Variants in SPECC1L observed in about 807,000 individuals in gnomAD.
SPECC1L encodes the protein sperm antigen with calponin homology and coiled-coil domains 1 like.
Under a neutral mutation model 116.8 loss-of-function variants are expected in SPECC1L, and 40 were observed. The ratio of observed to expected loss-of-function variants is 0.34; its 90% CI spans 0.27 to 0.45. SPECC1L has a LOEUF of 0.45. Among genes scored for constraint, SPECC1L ranks in the 20% least tolerant of loss-of-function variants. The pLI, the probability that SPECC1L is intolerant of heterozygous loss-of-function variation, is 1.00. For synonymous variants in SPECC1L, 504 were observed against 500.6 expected (o/e 1.01, Z -0.09); for missense variants, 1,110 against 1,373.6 (o/e 0.81, Z 3.03).
intron 10 of SPECC1L, among the ~76,000 whole-genome samples, chr22:24,345,472 C>T (rs1438547472): frequency 1.3e-5 from 2 of 152,136 alleles, no homozygotes; most frequent in African/African-American, 4.8e-5. Context: ...AAACTTAAAA[C>T]TTCTCTGAAA....
At position 24,321,281 on chromosome 22, in the gene SPECC1L, C is replaced by A. The variant is rs867603969; in HGVS notation, c.308-7C>A. ...TTTGCCTTACATTTTTTGTATTAAA[C>A]ACATAGGCACAGCTTCTTCAACCAA... On this transcript the variant is annotated splice_polypyrimidine_tract_variant and splice_region_variant and intron_variant, in intron 4 of 16. Coordinates refer to ENST00000314328, the MANE Select transcript of SPECC1L (RefSeq NM_015330.6). The A allele has an allele frequency of 9.9e-6, 16 of 1,613,212 alleles. No homozygotes were observed. In the Middle Eastern group the frequency reaches 2.0e-3, roughly 199 times the overall value.
chr22:24,335,839 T>C (rs533802896), intron 9 of SPECC1L, among the ~76,000 whole-genome samples: 30 of 152,270 alleles, frequency 2.0e-4, no homozygotes, highest in African/African-American at 7.2e-4. Context: ...GTATTATACA[T>C]AGTACCATCT....
At chr22:24,377,113 C>T (rs1000085803) in intron 14 of SPECC1L, among the ~76,000 whole-genome samples, 1 of 152,174 alleles carries the variant, frequency 6.6e-6, no homozygotes, top group Non-Finnish European at 1.5e-5. Context: ...ATGTGGTCCT[C>T]TGTGACTGGC....
At chr22:24,287,859 G>A (rs2049071880) in intron 2 of SPECC1L, among the ~76,000 whole-genome samples, 1 of 152,148 alleles carries the variant, frequency 6.6e-6, no homozygotes, top group South Asian at 2.1e-4. Flanking sequence ...TGAGGTTTGA[G>A]AGGGACTGGA....
chr22:24,337,721 T>A (rs1238743561), intron 9 of SPECC1L, among the ~76,000 whole-genome samples: 1 of 152,228 alleles, frequency 6.6e-6, no homozygotes, highest in Non-Finnish European at 1.5e-5. Flanking sequence ...TTGTATCCCA[T>A]TTTTAATTTA....
intron 6 of SPECC1L, among the ~76,000 whole-genome samples, chr22:24,327,296 A>AAAAAAAAAAAAAC (rs1556236760): frequency 8.5e-4 from 127 of 150,044 alleles, no homozygotes; most frequent in Non-Finnish European, 1.6e-3. Flanking sequence ...AAAAAAAAAA[A>AAAAAAAAAAAAAC]AAAAAACATC....
At chr22:24,350,846 G>GC (rs938160576) in intron 11 of SPECC1L, among the ~76,000 whole-genome samples, 2 of 152,214 alleles carry the variant, frequency 1.3e-5, no homozygotes, top group African/African-American at 4.8e-5. Context: ...ATAACCCTGT[G>GC]CCAGTACCCT....
At chr22:24,329,313 T>C (rs1329079604) in intron 7 of SPECC1L, among the ~76,000 whole-genome samples, 1 of 152,244 alleles carries the variant, frequency 6.6e-6, no homozygotes, top group African/African-American at 2.4e-5. Flanking sequence ...TGAAATGCTT[T>C]TGGATAAGTG....
chr22:24,278,128 G>A (rs960512152), intron 2 of SPECC1L, among the ~76,000 whole-genome samples: 1 of 152,108 alleles, frequency 6.6e-6, no homozygotes, highest in Non-Finnish European at 1.5e-5. Context: ...GCTGAGGTGG[G>A]AGGATCACTT....
intron 2 of SPECC1L, among the ~76,000 whole-genome samples, chr22:24,284,284 T>C (rs1488443079): frequency 6.6e-6 from 1 of 152,182 alleles, no homozygotes; most frequent in African/African-American, 2.4e-5. Flanking sequence ...TGTTATGTTT[T>C]CATTTTAAGT....
intron 14 of SPECC1L, among the ~76,000 whole-genome samples, chr22:24,384,194 G>A (rs2042118135): frequency 6.6e-6 from 1 of 151,996 alleles, no homozygotes; most frequent in Non-Finnish European, 1.5e-5. Flanking sequence ...GGCTAGGAGT[G>A]TCATAAGTGC....
intron 6 of SPECC1L, among the ~76,000 whole-genome samples, chr22:24,327,272 C>T (rs1194261160): frequency 3.3e-4 from 36 of 110,000 alleles, no homozygotes; most frequent in African/African-American, 9.7e-4. Context: ...ATTGAGACTC[C>T]GTCTCAAAAA....
rs1450572819 is a variant in SPECC1L, at chr22:24,322,569, C to T, written c.1589C>T (p.Ala530Val). ...LKMAEQDNKE[A>V]QEMIGALKER... ...ATGGCAGAACAAGACAATAAGGAAG[C>T]TCAAGAAATGATAGGGGCACTCAAA... Residue 530 changes from alanine (A) to valine (V), a missense_variant, in exon 5 of 17, where the codon GCT becomes GTT. By Grantham distance (64) the Ala-to-Val change is moderately conservative (BLOSUM62 0). Coordinates refer to ENST00000314328, the MANE Select transcript of SPECC1L (RefSeq NM_015330.6). The T allele has an allele frequency of 6.2e-7, 1 of 1,614,126 alleles. No individual in the cohort carries two copies. The highest frequency in any genetic ancestry group is 8.5e-7 in the Non-Finnish European group (1 of 1,180,026).
At chr22:24,305,318 C>T (rs1411359745) in intron 3 of SPECC1L, among the ~76,000 whole-genome samples, 3 of 152,178 alleles carry the variant, frequency 2.0e-5, no homozygotes, top group African/African-American at 7.2e-5. Flanking sequence ...TTCCACCGTG[C>T]CTCTGCTTAA....
intron 2 of SPECC1L, among the ~76,000 whole-genome samples, chr22:24,298,706 G>A (rs2049316331): frequency 6.6e-6 from 1 of 152,244 alleles, no homozygotes. Context: ...CAGCTCAGCA[G>A]TCAGGTGGGA....
intron 6 of SPECC1L, among the ~76,000 whole-genome samples, chr22:24,326,141 C>T (rs1039724323): frequency 1.3e-5 from 2 of 152,138 alleles, no homozygotes; most frequent in African/African-American, 4.8e-5. Context: ...TTAGTAGAGA[C>T]AGGGTTTCAC....
chr22:24,317,885 G>C (rs909654962), intron 4 of SPECC1L, among the ~76,000 whole-genome samples: 4 of 151,938 alleles, frequency 2.6e-5, no homozygotes, highest in African/African-American at 9.7e-5. Flanking sequence ...TCCCGGACGG[G>C]GCGACAGGGC....
intron 2 of SPECC1L, among the ~76,000 whole-genome samples, chr22:24,301,473 GCCTAA>G (rs1404823412): frequency 6.6e-6 from 1 of 152,122 alleles, no homozygotes; most frequent in East Asian, 1.9e-4. Flanking sequence ...TCGTAGCTTA[GCCTAA>G]CCTACCTTAA....
At chr22:24,372,811 G>A (rs1044622403) in intron 14 of SPECC1L, among the ~76,000 whole-genome samples, 14 of 152,076 alleles carry the variant, frequency 9.2e-5, no homozygotes, top group African/African-American at 3.4e-4. Context: ...AGAGTATTCA[G>A]TTAGGAAAAG....
Sources: gnomAD v4.1 joint callset for allele counts (sites outside exome capture counted in the v4.1 genomes callset) on GRCh38, gnomAD v4.1.1 for gene constraint, MANE v1.5 for transcripts, NCBI Gene and HGNC (gene_info 2026-07-23, HGNC 2026-07-21) for gene names.